Variants in PCDHA8 observed in about 807,000 individuals in gnomAD.
The protein encoded by PCDHA8 is protocadherin alpha 8, also known as protocadherin alpha-8.
In PCDHA8, 53 loss-of-function variants were observed where a neutral mutation model predicts 61.8. The observed-to-expected ratio is 0.86, with a 90% CI of 0.69 to 1.08. The LOEUF (loss-of-function observed/expected upper bound fraction) is 1.08. Ranked by LOEUF, PCDHA8 falls within the 50% of genes least tolerant of loss-of-function variation. PCDHA8 has a pLI of 0.00. For missense variants in PCDHA8, 1,293 were observed against 1,245.0 expected, an observed-to-expected ratio of 1.04 and a Z score of -0.58; for synonymous variants, 618 against 556.6, an observed-to-expected ratio of 1.11 and a Z score of -1.55.
chr5:140,992,405 C>T (rs962261885), intron 3 of PCDHA8, among the ~76,000 whole-genome samples: 1 of 152,152 alleles, frequency 6.6e-6, no homozygotes, highest in Non-Finnish European at 1.5e-5. Context: ...AGATATTGTT[C>T]TGCCCCAGGT....
chr5:140,850,843 C>T, intron 1 of PCDHA8: 1 of 1,597,346 alleles, frequency 6.3e-7, no homozygotes, highest in African/African-American at 1.3e-5. Flanking sequence ...GCTGGATCTA[C>T]AGAGCGAACG....
chr5:140,910,976 A>G (rs1265082758), intron 1 of PCDHA8, among the ~76,000 whole-genome samples: 1 of 152,058 alleles, frequency 6.6e-6, no homozygotes, highest in Non-Finnish European at 1.5e-5. Context: ...CTCATGGGTT[A>G]TACTCTGAAC....
In PCDHA8 at chr5:141,011,697, T is replaced by A. The variant is rs1187125634; in HGVS notation, c.*1760T>A. ...TTTTGTTCTAGTAACAATTTTGGAATGAATACTGACAATATTCCATGAGGG... is the reference window on the plus strand; with the variant it reads ...TTTTGTTCTAGTAACAATTTTGGAAAGAATACTGACAATATTCCATGAGGG... On this transcript the variant is annotated 3_prime_UTR_variant, in exon 4 of 4. Transcript: ENST00000531613. 2 of 153,778 alleles carry A rather than the reference T, an allele frequency of 1.3e-5. No homozygotes were observed. Among genetic ancestry groups the A allele is most frequent in the Non-Finnish European group, 2.9e-5 (2 of 68,036 alleles). The allele number at this position is 153,778 out of a possible 1,614,324, so 9.5% of individuals were successfully genotyped here.
chr5:140,959,057 G>A (rs1437392976), intron 1 of PCDHA8, among the ~76,000 whole-genome samples: 1 of 152,092 alleles, frequency 6.6e-6, no homozygotes, highest in Non-Finnish European at 1.5e-5. Context: ...AAAAAATGCA[G>A]TATATATAGA....
At position 140,856,143 on chromosome 5, in the gene PCDHA8, A is replaced by G. The variant is rs782449893; in HGVS notation, c.2394+12428A>G. 6 of 1,598,020 alleles carry G rather than the reference A, an allele frequency of 3.8e-6. 1 individual carries two copies. The South Asian group carries it at 6.6e-5, about 18-fold the overall frequency. On this transcript the variant is annotated intron_variant, in intron 1 of 3. Coordinates refer to ENST00000531613, the MANE Select transcript of PCDHA8 (RefSeq NM_018911.3). ...GAGGTGGGGAGCGGCCAGCTCCACTACTCAGTCTACGAGGAGGCCAGACAC... is the reference window on the plus strand; with the variant it reads ...GAGGTGGGGAGCGGCCAGCTCCACTGCTCAGTCTACGAGGAGGCCAGACAC...
intron 1 of PCDHA8, chr5:140,870,868 G>C (rs550915753): frequency 1.2e-6 from 2 of 1,613,944 alleles, no homozygotes; most frequent in Non-Finnish European, 1.7e-6. Context: ...TGCGGGCCAC[G>C]TGGTGGCGAA....
chr5:140,909,945 A>C (rs540241627), intron 1 of PCDHA8, among the ~76,000 whole-genome samples: 3 of 152,316 alleles, frequency 2.0e-5, no homozygotes, highest in Non-Finnish European at 4.4e-5. Context: ...ACTCTGGTAA[A>C]AAGCCGTAGG....
rs1232327422 is a variant in PCDHA8, at chr5:140,841,830, A to G, written c.509A>G (p.Tyr170Cys). The change falls in exon 1 of 4, where the codon TAC (tyrosine) becomes TGC (cysteine). Residue 170 changes from tyrosine (Y) to cysteine (C), a missense_variant. Transcript: ENST00000531613. ...ADVGANSVLT[Y>C]RLSSHDYFML... ...GTTGGAGCTAACTCCGTGTTAACCT[A>G]CAGGCTTAGCTCTCATGATTACTTC... 5.6e-6 allele frequency: 9 copies of G among 1,613,794 alleles called. No individual in the cohort carries two copies. In the South Asian group the frequency reaches 7.7e-5, roughly 14 times the overall value.
intron 1 of PCDHA8, chr5:140,856,613 A>G: frequency 6.3e-7 from 1 of 1,598,082 alleles, no homozygotes; most frequent in Non-Finnish European, 8.6e-7. Flanking sequence ...AGACAAAGAC[A>G]AATTCCCAGT....
chr5:140,863,264 C>T (rs1432032847), intron 1 of PCDHA8: 3 of 1,454,794 alleles, frequency 2.1e-6, no homozygotes, highest in Non-Finnish European at 1.9e-6. Context: ...GTCCGGGAGG[C>T]AGCGCTGGTG....
chr5:140,976,507 C>T (rs868949957), intron 1 of PCDHA8, among the ~76,000 whole-genome samples: 2 of 151,968 alleles, frequency 1.3e-5, no homozygotes, highest in African/African-American at 4.8e-5. Context: ...GCCAAGATCG[C>T]GCCACTGCAC....
chr5:140,928,563 T>C lies in PCDHA8; in HGVS notation c.2395-50386T>C, dbSNP rs138980511. 9.3e-4 allele frequency: 1,498 copies of C among 1,614,116 alleles called. 1 individual carries two copies. Among genetic ancestry groups the C allele is most frequent in the Non-Finnish European group, 1.2e-3 (1,397 of 1,180,050 alleles). On this transcript the variant is annotated intron_variant, in intron 1 of 3. Coordinates refer to ENST00000531613, the MANE Select transcript of PCDHA8 (RefSeq NM_018911.3). ...ATGACAATTATCCGGTTATCTTGTT[T>C]CCCTTGCCCAGAAATGGTTCTGTCC...
At position 140,933,888 on chromosome 5, in the gene PCDHA8, T is replaced by C. The variant is rs148048721; in HGVS notation, c.2395-45061T>C. On this transcript the variant is annotated intron_variant, in intron 1 of 3. Transcript: ENST00000531613. ...ATATATGTTAGTTTTATCTGTACTTTTGAATATTTTGGCATAAAGTTGTTT... is the reference window on the plus strand; with the variant it reads ...ATATATGTTAGTTTTATCTGTACTTCTGAATATTTTGGCATAAAGTTGTTT... Among the ~76,000 whole-genome samples the C allele has an allele frequency of 7.7e-3, 1,170 of 152,222 alleles. 4 individuals are homozygous for C. Among genetic ancestry groups the C allele is most frequent in the Admixed American group, 0.013 (200 of 15,288 alleles).
intron 1 of PCDHA8, chr5:140,927,699 G>A (rs155361): frequency 0.52 from 840,731 of 1,613,754 alleles, 221,277 homozygotes; most frequent in African/African-American, 0.71. Context: ...GGGAAGTCCA[G>A]TACTCCCTAA....
At chr5:140,881,373 AGCCG>A in intron 1 of PCDHA8, 2 of 985,074 alleles carry the variant, frequency 2.0e-6, no homozygotes, top group Non-Finnish European at 2.4e-6. Flanking sequence ...TATGAATTGC[AGCCG>A]GCGGCGGTAA....
chr5:140,853,921 C>T (rs2042909522), intron 1 of PCDHA8: 2 of 921,152 alleles, frequency 2.2e-6, no homozygotes, highest in African/African-American at 1.8e-5. Flanking sequence ...GCAATCCCAA[C>T]ATTTTGGGAG....
chr5:140,878,899 G>A (rs1301967468), intron 1 of PCDHA8, among the ~76,000 whole-genome samples: 2 of 152,152 alleles, frequency 1.3e-5, no homozygotes, highest in African/African-American at 4.8e-5. Flanking sequence ...CTACAGGCAG[G>A]CTCCACCACT....
At position 140,886,849 on chromosome 5, in the gene PCDHA8, A is replaced by G. The variant is rs541841964; in HGVS notation, c.2394+43134A>G. ...CTTGAAAAAAAAAAAAAAAAAAAAG[A>G]AAGGTCTTCCCAACTCCTATATTGA... On this transcript the variant is annotated intron_variant, in intron 1 of 3. Coordinates refer to ENST00000531613, the MANE Select transcript of PCDHA8 (RefSeq NM_018911.3). Among the ~76,000 whole-genome samples, 4 of 150,006 alleles carry G rather than the reference A, an allele frequency of 2.7e-5. No homozygotes were observed. The East Asian group carries it at 7.8e-4, about 29-fold the overall frequency.
At chr5:140,921,131 C>T (rs532456439) in intron 1 of PCDHA8, among the ~76,000 whole-genome samples, 9 of 132,934 alleles carry the variant, frequency 6.8e-5, no homozygotes, top group Non-Finnish European at 1.1e-4. Context: ...CAGGTGCACA[C>T]CACTACACCC....
Sources: gnomAD v4.1 joint callset for allele counts (sites outside exome capture counted in the v4.1 genomes callset) on GRCh38, gnomAD v4.1.1 for gene constraint, MANE v1.5 for transcripts, NCBI Gene and HGNC (gene_info 2026-07-23, HGNC 2026-07-21) for gene names.